The following YAE1 variants were observed in gnomAD, a reference collection of about 807,000 sequenced individuals.
YAE1 encodes protein YAE1 homolog.
Under a neutral mutation model 23.0 loss-of-function variants are expected in YAE1, and 22 were observed. The observed-to-expected ratio is 0.96, with a 90% CI of 0.68 to 1.37. The LOEUF (loss-of-function observed/expected upper bound fraction) is 1.37, where lower values mean the gene tolerates loss of function less well. YAE1 is among the 40% of genes most tolerant of loss of function. The probability of loss-of-function intolerance (pLI) is 0.00; values close to 1 mark genes in which losing one functional copy is unlikely to be tolerated. For missense variants in YAE1, 260 were observed against 262.1 expected, an observed-to-expected ratio of 0.99 and a Z score of 0.06; for synonymous variants, 101 against 97.0, an observed-to-expected ratio of 1.04 and a Z score of -0.24.
intron 1 of YAE1, chr7:39,569,887 G>T: frequency 9.1e-7 from 1 of 1,097,478 alleles, no homozygotes; most frequent in Non-Finnish European, 1.4e-6. Context: ...TCTTTACAAT[G>T]ATAAATAGTA....
intron 2 of YAE1, among the ~76,000 whole-genome samples, chr7:39,607,238 T>A: frequency 6.6e-6 from 1 of 152,232 alleles, no homozygotes; most frequent in East Asian, 1.9e-4. Context: ...CCCAGTGTTG[T>A]CTATGTCCTA....
At chr7:39,570,459 A>G in intron 1 of YAE1, 47 bp from the exon 2 acceptor site, 1 of 1,592,250 alleles carries the variant, frequency 6.3e-7, no homozygotes, top group Non-Finnish European at 8.5e-7. Context: ...AAAAGCCTAC[A>G]TGTATATACT....
At chr7:39,597,047 T>C (rs1410233086) in intron 2 of YAE1, among the ~76,000 whole-genome samples, 1 of 152,254 alleles carries the variant, frequency 6.6e-6, no homozygotes, top group African/African-American at 2.4e-5. Context: ...TAAGTCATGA[T>C]GACTATGGCA....
At chr7:39,581,749 T>C (rs1284417934) in intron 2 of YAE1, among the ~76,000 whole-genome samples, 1 of 151,754 alleles carries the variant, frequency 6.6e-6, no homozygotes, top group African/African-American at 2.4e-5. Flanking sequence ...TGCACACCTA[T>C]GGTCCCAACT....
downstream of YAE1, among the ~76,000 whole-genome samples, chr7:39,575,528 T>G (rs1790638781): frequency 7.2e-6 from 1 of 138,980 alleles, no homozygotes; most frequent in African/African-American, 2.7e-5. Flanking sequence ...GTTTCCAGTC[T>G]AAGATACAGG....
At chr7:39,606,272 G>A (rs1358688014) in intron 2 of YAE1, among the ~76,000 whole-genome samples, 1 of 151,946 alleles carries the variant, frequency 6.6e-6, no homozygotes, top group Admixed American at 6.6e-5. Context: ...ACAATAAAAG[G>A]GTTATTTTTA....
chr7:39,600,318 A>G (rs1457900059), intron 2 of YAE1, among the ~76,000 whole-genome samples: 1 of 152,216 alleles, frequency 6.6e-6, no homozygotes, highest in African/African-American at 2.4e-5. Context: ...GATATAATTA[A>G]GGTAAGGTCA....
downstream of YAE1, among the ~76,000 whole-genome samples, chr7:39,575,518 G>C (rs1229647669): frequency 1.4e-5 from 2 of 148,000 alleles, no homozygotes; most frequent in Non-Finnish European, 3.0e-5. Flanking sequence ...TTAGAACTAA[G>C]TTTCCAGTCT....
intron 2 of YAE1, among the ~76,000 whole-genome samples, chr7:39,597,348 C>T (rs994460129): frequency 6.6e-6 from 1 of 152,082 alleles, no homozygotes; most frequent in African/African-American, 2.4e-5. Flanking sequence ...AGTGAGAGGA[C>T]TGCTTGAGCC....
At chr7:39,582,233 G>A (rs12112104) in intron 2 of YAE1, among the ~76,000 whole-genome samples, 101,582 of 151,794 alleles carry the variant, frequency 0.67, 34,864 homozygotes, top group African/African-American at 0.83. Context: ...GGGCCTCACT[G>A]TGTTGCCTGG....
chr7:39,602,727 GTTTTTTGTTTGTTTGT>G (rs1320262508), intron 2 of YAE1, among the ~76,000 whole-genome samples: 6 of 103,514 alleles, frequency 5.8e-5, no homozygotes, highest in African/African-American at 2.2e-4. Context: ...TCAAAGTTTG[GTTTTTTGTTTGTTTGT>G]TTGTTTGTTT....
chr7:39,569,397 AC>A, intron 1 of YAE1: 1 of 444,080 alleles, frequency 2.3e-6, no homozygotes, highest in Non-Finnish European at 4.4e-6. Context: ...CCAGTGATGG[AC>A]CCAGAGAGTG....
rs768385763 is a variant in YAE1, at chr7:39,572,522, A to G, written c.497A>G (p.Glu166Gly). Residue 166 changes from glutamate (E) to glycine (G), a missense_variant, in exon 3 of 3, where the codon GAG becomes GGG. Transcript: ENST00000223273. ...GAAAGACTCTGTGAAAATAATGCTG[A>G]GTTTAACAAAAACTGTAGCAAGAGC... is the stretch of plus-strand genomic sequence containing the variant. ...KDERLCENNAEFNKNCSKSHS... is the reference protein window; with the variant it reads ...KDERLCENNAGFNKNCSKSHS... The G allele has an allele frequency of 1.2e-6, 2 of 1,614,156 alleles. No homozygotes were observed. The highest frequency in any genetic ancestry group is 1.6e-4 in the Middle Eastern group (1 of 6,062).
intron 2 of YAE1, among the ~76,000 whole-genome samples, chr7:39,607,663 G>T (rs1791149468): frequency 6.6e-6 from 1 of 152,166 alleles, no homozygotes; most frequent in African/African-American, 2.4e-5. Flanking sequence ...TTTGGGTTTT[G>T]TTGTTACTGT....
At chr7:39,575,577 A>AGAGAGAGAGAGAGAGAGTGT, downstream of YAE1, among the ~76,000 whole-genome samples, 2 of 80,274 alleles carry the variant, frequency 2.5e-5, no homozygotes, top group East Asian at 3.1e-4. Flanking sequence ...AGAGAGAGAG[A>AGAGAGAGAGAGAGAGAGTGT]GTGAGTGTGT....
intron 2 of YAE1, among the ~76,000 whole-genome samples, chr7:39,581,297 A>G (rs1460197285): frequency 6.6e-6 from 1 of 152,226 alleles, no homozygotes; most frequent in Non-Finnish European, 1.5e-5. Context: ...TAAAAGAAAT[A>G]TATGGTTCTA....
At chr7:39,608,454 A>G (rs1002141688) in intron 2 of YAE1, among the ~76,000 whole-genome samples, 1 of 152,164 alleles carries the variant, frequency 6.6e-6, no homozygotes, top group Non-Finnish European at 1.5e-5. Flanking sequence ...AGTTTAAGGG[A>G]TGATTTCCGG....
intron 2 of YAE1, among the ~76,000 whole-genome samples, chr7:39,604,678 G>T (rs1029945924): frequency 1.1e-4 from 16 of 152,096 alleles, no homozygotes; most frequent in Admixed American, 3.3e-4. Context: ...GGTTTCAGTG[G>T]TTTTTTCAAC....
intron 2 of YAE1, among the ~76,000 whole-genome samples, chr7:39,588,483 A>T (rs1790853193): frequency 6.8e-6 from 1 of 146,712 alleles, no homozygotes; most frequent in African/African-American, 2.6e-5. Context: ...CGTGGGCAAC[A>T]AGAGGGAGAC....
Sources: allele counts gnomAD v4.1 joint callset (sites outside exome capture counted in the v4.1 genomes callset), GRCh38; gene constraint gnomAD v4.1.1; transcripts MANE v1.5; gene names NCBI Gene and HGNC (gene_info 2026-07-23, HGNC 2026-07-21).